CC2D2B: variants seen among roughly 807,000 people sequenced by gnomAD.
CC2D2B encodes coiled-coil and C2 domain containing 2B.
Under a neutral mutation model 161.2 loss-of-function variants are expected in CC2D2B, and 128 were observed. That is an observed-to-expected ratio of 0.79 (90% CI 0.69 to 0.92). The LOEUF (loss-of-function observed/expected upper bound fraction) is 0.92. Ranked by LOEUF, CC2D2B falls within the 40% of genes least tolerant of loss-of-function variation. The pLI, the probability that CC2D2B is intolerant of heterozygous loss-of-function variation, is 0.00. For synonymous variants in CC2D2B, 391 were observed against 449.8 expected (o/e 0.87, Z 1.65); for missense variants, 1,173 against 1,375.1 (o/e 0.85, Z 2.32).
intron 33 of CC2D2B, among the ~76,000 whole-genome samples, chr10:96,025,811 C>T (rs943492726): frequency 6.6e-6 from 1 of 152,180 alleles, no homozygotes; most frequent in African/African-American, 2.4e-5. Flanking sequence ...CTCACACTCA[C>T]ATAGCAGGCT....
chr10:95,999,988 T>C, intron 24 of CC2D2B: 1 of 942,486 alleles, frequency 1.1e-6, no homozygotes, highest in African/African-American at 1.7e-5. Context: ...ACACATTAAT[T>C]CTCTTGGCAA....
chr10:95,989,153 G>A (rs1221200803), intron 20 of CC2D2B, among the ~76,000 whole-genome samples: 1 of 152,196 alleles, frequency 6.6e-6, no homozygotes, highest in Non-Finnish European at 1.5e-5. Context: ...CCCTCATGGG[G>A]ACAGGTGAGA....
At chr10:95,935,352 C>A (rs1049884782) in intron 6 of CC2D2B, among the ~76,000 whole-genome samples, 4 of 152,184 alleles carry the variant, frequency 2.6e-5, no homozygotes, top group African/African-American at 9.7e-5. Context: ...TTTTCACCAG[C>A]CTCTCTGGTA....
At chr10:95,969,400 C>A (rs954568742) in intron 15 of CC2D2B, among the ~76,000 whole-genome samples, 1 of 151,648 alleles carries the variant, frequency 6.6e-6, no homozygotes, top group Non-Finnish European at 1.5e-5. Context: ...CTGTAAGAAC[C>A]CCCACACTAA....
intron 28 of CC2D2B, among the ~76,000 whole-genome samples, chr10:96,013,442 A>G (rs764437112): frequency 9.9e-5 from 15 of 151,496 alleles, no homozygotes; most frequent in Non-Finnish European, 1.8e-4. Flanking sequence ...TTTAAAGTAC[A>G]TGTTTAATGT....
At chr10:96,026,860 C>T (rs1299576200) in intron 33 of CC2D2B, among the ~76,000 whole-genome samples, 7 of 152,308 alleles carry the variant, frequency 4.6e-5, no homozygotes, top group East Asian at 1.9e-4. Context: ...CGGTGGCTTA[C>T]ACCTGTAATC....
chr10:95,929,147 C>A (rs962280098), intron 6 of CC2D2B, among the ~76,000 whole-genome samples: 36 of 152,276 alleles, frequency 2.4e-4, no homozygotes, highest in African/African-American at 7.7e-4. Context: ...TCTCTAATGA[C>A]CAGTGATGGT....
Position 95,965,986 on chromosome 10 carries a change from GA to G in CC2D2B, c.1347del (p.Lys449AsnfsTer8), listed in dbSNP as rs1398540805. On this transcript the variant is annotated frameshift_variant, in exon 13 of 35. Coordinates refer to ENST00000646931, the MANE Select transcript of CC2D2B (RefSeq NM_001349008.3). LOFTEE classifies it high-confidence loss of function. ...KNEGKELKNG[K>X]KLESLSYLAS... The stretch of plus-strand genomic sequence containing the variant: ...ATGAAGGAAAAGAACTTAAGAATGG[GA>G]AAAAACTGGAGGTATTTATATTGCA... 39 of 1,164,722 alleles carry G rather than the reference GA, an allele frequency of 3.3e-5. No homozygotes were observed. In the East Asian group the frequency reaches 1.2e-3, roughly 37 times the overall value. 72.1% of individuals were successfully genotyped at this position (1,164,722 alleles called of 1,614,324 possible).
chr10:96,007,396 T>TAGAC (rs1160147218), intron 25 of CC2D2B, among the ~76,000 whole-genome samples: 2 of 152,174 alleles, frequency 1.3e-5, no homozygotes, highest in Non-Finnish European at 2.9e-5. Flanking sequence ...TAAGGCAAGG[T>TAGAC]AGACCTAAGA....
At chr10:95,942,148 G>A (rs954379399) in intron 9 of CC2D2B, among the ~76,000 whole-genome samples, 27 of 152,134 alleles carry the variant, frequency 1.8e-4, no homozygotes, top group Admixed American at 2.0e-4. Flanking sequence ...GTAGAATGGC[G>A]GTTGCCAGGG....
rs2077499008 is a variant in CC2D2B at position 95,981,044 on chromosome 10, G to A, written c.1944-931G>A. 2.6e-5 allele frequency among the ~76,000 whole-genome samples: 4 copies of A among 152,130 alleles called. No homozygotes were observed. The South Asian group carries it at 8.3e-4, about 32-fold the overall frequency. Reference sequence around the variant, plus strand: ...CCTTTTGCACTTAGTCTATAGCTAAGGTCACTAAGAATATATTAGGAGTCT... The same window carrying A: ...CCTTTTGCACTTAGTCTATAGCTAAAGTCACTAAGAATATATTAGGAGTCT... On this transcript the variant is annotated intron_variant, in intron 17 of 34. Coordinates refer to ENST00000646931, the MANE Select transcript of CC2D2B (RefSeq NM_001349008.3).
At chr10:95,934,437 GAAAA>G (rs551651883) in intron 6 of CC2D2B, among the ~76,000 whole-genome samples, 2 of 143,846 alleles carry the variant, frequency 1.4e-5, no homozygotes, top group Non-Finnish European at 3.0e-5. Context: ...ACTGGGGTAT[GAAAA>G]AAAAAAAACA....
At chr10:96,021,801 G>C (rs529495588) in intron 32 of CC2D2B, among the ~76,000 whole-genome samples, 1 of 152,318 alleles carries the variant, frequency 6.6e-6, no homozygotes, top group South Asian at 2.1e-4. Context: ...AGTATACAGA[G>C]TACTTCAAGT....
At chr10:96,000,107 T>C in intron 24 of CC2D2B, 1 of 1,493,576 alleles carries the variant, frequency 6.7e-7, no homozygotes, top group South Asian at 1.2e-5. Flanking sequence ...TTTTAAACAA[T>C]ATCCATTCTC....
chr10:95,941,546 C>A (rs2076022666), intron 9 of CC2D2B, among the ~76,000 whole-genome samples: 1 of 151,860 alleles, frequency 6.6e-6, no homozygotes, highest in African/African-American at 2.4e-5. Context: ...CCAAAAAAAA[C>A]CAAAGATGCA....
At chr10:95,918,045 G>A (rs1210067744) in intron 2 of CC2D2B, among the ~76,000 whole-genome samples, 1 of 152,104 alleles carries the variant, frequency 6.6e-6, no homozygotes, top group Non-Finnish European at 1.5e-5. Flanking sequence ...CCAAAGTGCT[G>A]GGATTACAGG....
At chr10:95,921,885 T>C in intron 2 of CC2D2B, 131 bp from the exon 3 acceptor site, 1 of 514,928 alleles carries the variant, frequency 1.9e-6, no homozygotes, top group South Asian at 2.8e-5. Flanking sequence ...ACATGGCACA[T>C]GTATACCTAT....
In CC2D2B at chr10:95,981,556, TAA is replaced by T. The variant is rs570729856; in HGVS notation, c.1944-418_1944-417del. On this transcript the variant is annotated intron_variant, in intron 17 of 34. Transcript: ENST00000646931. Reference sequence around the variant, plus strand: ...TTTTCTGTGCTTTCTTAATTTTGCTTAAGTGAATATTTTGATTAAATTTCAAT... The same window carrying T: ...TTTTCTGTGCTTTCTTAATTTTGCTTGTGAATATTTTGATTAAATTTCAAT... Among the ~76,000 whole-genome samples the T allele has an allele frequency of 6.5e-3, 987 of 152,334 alleles. 7 individuals are homozygous for T. Among genetic ancestry groups the T allele is most frequent in the Middle Eastern group, 0.034 (10 of 294 alleles).
rs2078700061 is a variant in CC2D2B, at chr10:96,005,368, T to C, written c.2946+1120T>C. 2.0e-5 allele frequency among the ~76,000 whole-genome samples: 3 copies of C among 152,152 alleles called. No individual in the cohort carries two copies. In the South Asian group the frequency reaches 6.2e-4, roughly 32 times the overall value. On this transcript the variant is annotated intron_variant, in intron 25 of 34. Transcript: ENST00000646931. The stretch of plus-strand genomic sequence containing the variant: ...GGTATCAGACTTGTTTGTGACAATA[T>C]TGGCATGCTCTTTAAAAAAGGAAAG...
Sources: gnomAD v4.1 joint callset for allele counts (sites outside exome capture counted in the v4.1 genomes callset) on GRCh38, gnomAD v4.1.1 for gene constraint, MANE v1.5 for transcripts, NCBI Gene and HGNC (gene_info 2026-07-23, HGNC 2026-07-21) for gene names.